The following COPA variants were observed in gnomAD, a reference collection of about 807,000 sequenced individuals.
COPA encodes coatomer subunit alpha.
In COPA, 10 loss-of-function variants were observed where a neutral mutation model predicts 158.7. The observed-to-expected ratio is 0.06, with a 90% CI of 0.04 to 0.11. The LOEUF (loss-of-function observed/expected upper bound fraction) is 0.11. Among genes scored for constraint, COPA ranks in the 10% least tolerant of loss-of-function variants. The probability of loss-of-function intolerance (pLI) is 1.00; values close to 1 mark genes in which losing one functional copy is unlikely to be tolerated. For synonymous variants in COPA, 462 were observed against 542.8 expected, an observed-to-expected ratio of 0.85 and a Z score of 2.07; for missense variants, 1,065 against 1,536.7, an observed-to-expected ratio of 0.69 and a Z score of 5.13.
At chr1:160,313,910 A>G (rs1659054030) in intron 9 of COPA, 80 bp downstream of exon 9, 2 of 1,294,608 alleles carry the variant, frequency 1.5e-6, no homozygotes, top group Non-Finnish European at 1.0e-6. Context: ...GAAGATGATG[A>G]GAGACATAAA....
rs774816658 is a variant in COPA at position 160,290,022 on chromosome 1, A to C, written c.*135T>G. On this transcript the variant is annotated 3_prime_UTR_variant, in exon 33 of 33. Transcript: ENST00000241704. ...CTTCGGATTTTCCATAGAAGAGAAA[A>C]AGATACTAGGTTTTAGGGTACAGAG... 1.9e-4 allele frequency: 156 copies of C among 814,494 alleles called. No homozygotes were observed. Among genetic ancestry groups the C allele is most frequent in the Non-Finnish European group, 2.8e-4 (143 of 506,642 alleles). 50.5% of individuals were successfully genotyped at this position (814,494 alleles called of 1,614,324 possible).
chr1:160,318,468 T>TAAAAAAAAAAAAAAAAAA (rs71090307), intron 8 of COPA, among the ~76,000 whole-genome samples: 9 of 15,646 alleles, frequency 5.8e-4, no homozygotes, highest in Admixed American at 8.2e-4. Context: ...ACAATATTTG[T>TAAAAAAAAAAAAAAAAAA]AAAAAAAAAA....
At chr1:160,325,011 C>G (rs1350127922) in intron 7 of COPA, among the ~76,000 whole-genome samples, 1 of 151,526 alleles carries the variant, frequency 6.6e-6, no homozygotes, top group Admixed American at 6.6e-5. Flanking sequence ...TTATTTCTTA[C>G]ATTTATTTAC....
rs1227698061 is a variant in COPA, at chr1:160,306,563, T to C, written c.1303-70A>G. On this transcript the variant is annotated intron_variant, in intron 14 of 32. Transcript: ENST00000241704. ...AGATGATGATGACAACTGATGATGTTCCTCAGCAATTGTTCCTTAGCTTCA... is the reference window on the plus strand; with the variant it reads ...AGATGATGATGACAACTGATGATGTCCCTCAGCAATTGTTCCTTAGCTTCA... 2.5e-6 allele frequency: 4 copies of C among 1,576,418 alleles called. No homozygotes were observed. The African/African-American group carries it at 5.4e-5, about 21-fold the overall frequency.
intron 12 of COPA, 52 bp from the exon 13 acceptor site, chr1:160,309,228 C>T (rs745673273): frequency 7.3e-7 from 1 of 1,371,984 alleles, no homozygotes; most frequent in Admixed American, 1.7e-5. Context: ...CCCAAGATAC[C>T]AGTTTTCCAA....
chr1:160,300,979 G>A lies in COPA; in HGVS notation c.1668-1715C>T, dbSNP rs561416068. Among the ~76,000 whole-genome samples, 9 of 152,040 alleles carry A rather than the reference G, an allele frequency of 5.9e-5. No homozygotes were observed. The East Asian group carries it at 1.2e-3, about 20-fold the overall frequency. On this transcript the variant is annotated intron_variant, in intron 17 of 32. Transcript: ENST00000241704. ...ATTAAAAATTCAAAATTAGCCAGGC[G>A]TAATGGCTCATGCCTATAATCCCAG...
intron 6 of COPA, among the ~76,000 whole-genome samples, chr1:160,332,239 G>T (rs74123110): frequency 0.014 from 2,110 of 152,226 alleles, 47 homozygotes; most frequent in African/African-American, 0.042. Context: ...CAAATCAAAT[G>T]AATTTTCTAG....
At chr1:160,297,082 G>A (rs904618783) in intron 21 of COPA, among the ~76,000 whole-genome samples, 7 of 152,060 alleles carry the variant, frequency 4.6e-5, no homozygotes, top group Admixed American at 2.0e-4. Context: ...TTACTAGGGC[G>A]TCCACTCAAG....
At chr1:160,331,070 T>TA (rs142335829) in intron 6 of COPA, among the ~76,000 whole-genome samples, 7,041 of 149,746 alleles carry the variant, frequency 0.047, 513 homozygotes, top group African/African-American at 0.16. Flanking sequence ...AAATAAAAGT[T>TA]AAAAAAAAAG....
intron 3 of COPA, 108 bp from the exon 4 acceptor site, chr1:160,335,430 T>C: frequency 1.3e-6 from 1 of 758,832 alleles, no homozygotes; most frequent in South Asian, 2.8e-5. Context: ...AAATATAGAT[T>C]TATATACATT....
At chr1:160,298,232 T>C (rs1658481612) in intron 19 of COPA, among the ~76,000 whole-genome samples, 1 of 151,984 alleles carries the variant, frequency 6.6e-6, no homozygotes, top group Non-Finnish European at 1.5e-5. Flanking sequence ...TAGGACCCCT[T>C]TGGATACAGA....
At position 160,288,998 on chromosome 1, in the gene COPA, TCTCA is replaced by T. The variant is rs1658126654; in HGVS notation, c.*1155_*1158del. ...TTCTTTCTTTTTTTTTGAGATGGAG[TCTCA>T]CTCTGTCGCCCAGGCTGGAGTGCGG... On this transcript the variant is annotated 3_prime_UTR_variant, in exon 33 of 33. Coordinates refer to ENST00000241704, the MANE Select transcript of COPA (RefSeq NM_004371.4). 6.6e-6 allele frequency among the ~76,000 whole-genome samples: 1 copy of T among 151,992 alleles called. No homozygotes were observed. The highest frequency in any genetic ancestry group is 1.5e-5 in the Non-Finnish European group (1 of 68,006).
intron 6 of COPA, among the ~76,000 whole-genome samples, chr1:160,331,162 T>C (rs1205784606): frequency 6.6e-6 from 1 of 152,180 alleles, no homozygotes; most frequent in African/African-American, 2.4e-5. Context: ...ATGAAGCGCT[T>C]CCATAGGTCT....
At chr1:160,304,129 C>T (rs1228711969) in intron 17 of COPA, among the ~76,000 whole-genome samples, 3 of 151,810 alleles carry the variant, frequency 2.0e-5, no homozygotes, top group Admixed American at 1.3e-4. Flanking sequence ...ATTCTCCTGC[C>T]TCAGCCTCCG....
In COPA at chr1:160,343,207, C is replaced by G. The variant is rs201537509; in HGVS notation, c.-37G>C. 12 of 1,613,882 alleles carry G rather than the reference C, an allele frequency of 7.4e-6. No homozygotes were observed. The South Asian group carries it at 1.3e-4, about 18-fold the overall frequency. On this transcript the variant is annotated 5_prime_UTR_variant, in exon 1 of 33. Coordinates refer to ENST00000241704, the MANE Select transcript of COPA (RefSeq NM_004371.4). Reference sequence around the variant, plus strand: ...CCGACTCCGATGTCTTAATCCGAGCCCCGACACACCCTGCTGCCCTTCGGA... The same window carrying G: ...CCGACTCCGATGTCTTAATCCGAGCGCCGACACACCCTGCTGCCCTTCGGA...
chr1:160,320,792 T>TAAAA (rs143294298), intron 8 of COPA, among the ~76,000 whole-genome samples: 11 of 89,182 alleles, frequency 1.2e-4, no homozygotes, highest in Admixed American at 2.7e-4. Flanking sequence ...TTCAAACTCT[T>TAAAA]AAAAAAAAAA....
rs530698139 is a variant in COPA, at chr1:160,340,305, T to C, written c.41-11A>G. The stretch of plus-strand genomic sequence containing the variant: ...GGTGAAAGCTGAGCCCTGAAAAAAA[T>C]AGAAAATGATACAATGAGCTAACTA... On this transcript the variant is annotated splice_polypyrimidine_tract_variant and intron_variant, in intron 1 of 32. Transcript: ENST00000241704. 5.3e-5 allele frequency: 83 copies of C among 1,559,458 alleles called. No homozygotes were observed. Among genetic ancestry groups the C allele is most frequent in the South Asian group, 1.2e-4 (11 of 89,782 alleles).
chr1:160,311,831 T>G, intron 11 of COPA, 37 bp downstream of exon 11: 1 of 1,586,422 alleles, frequency 6.3e-7, no homozygotes, highest in Non-Finnish European at 8.6e-7. Context: ...GGGTGACAGA[T>G]GAGAGGGTTT....
intron 14 of COPA, among the ~76,000 whole-genome samples, chr1:160,306,957 ACGG>A (rs1270187463): frequency 6.6e-6 from 1 of 152,226 alleles, no homozygotes; most frequent in Non-Finnish European, 1.5e-5. Flanking sequence ...ACCCAGAGCC[ACGG>A]CGATCATCAA....
Sources: gnomAD v4.1 joint callset for allele counts (sites outside exome capture counted in the v4.1 genomes callset) on GRCh38, gnomAD v4.1.1 for gene constraint, MANE v1.5 for transcripts, NCBI Gene and HGNC (gene_info 2026-07-23, HGNC 2026-07-21) for gene names.